EDIL3: variants seen among roughly 807,000 people sequenced by gnomAD.
The protein encoded by EDIL3 is EGF like and discoidin domains 3.
EDIL3 carries 37 observed loss-of-function variants against 67.4 expected under a neutral mutation model. The ratio of observed to expected loss-of-function variants is 0.55; its 90% confidence interval spans 0.42 to 0.72. The LOEUF is 0.72. Ranked by LOEUF, EDIL3 falls within the 30% of genes least tolerant of loss-of-function variation. The pLI is 0.00. For missense variants in EDIL3, 527 were observed against 586.3 expected (o/e 0.90, Z 1.04); for synonymous variants, 195 against 196.3 (o/e 0.99, Z 0.05).
chr5:84,111,910 A>C (rs953245334), intron 5 of EDIL3, among the ~76,000 whole-genome samples: 1 of 152,118 alleles, frequency 6.6e-6, no homozygotes, highest in Admixed American at 6.5e-5. Flanking sequence ...AGAGGGAATA[A>C]TAACCTAGCT....
intron 6 of EDIL3, among the ~76,000 whole-genome samples, chr5:84,082,376 T>C (rs1157096307): frequency 6.6e-6 from 1 of 152,178 alleles, no homozygotes; most frequent in Non-Finnish European, 1.5e-5. Flanking sequence ...GCACTGATGA[T>C]AAAAGAAGTC....
At chr5:84,295,105 T>A (rs1447901800) in intron 1 of EDIL3, among the ~76,000 whole-genome samples, 1 of 152,138 alleles carries the variant, frequency 6.6e-6, no homozygotes, top group African/African-American at 2.4e-5. Context: ...GCAGAAAACT[T>A]AACAGTTATA....
intron 4 of EDIL3, among the ~76,000 whole-genome samples, chr5:84,179,725 CCTGACAGCTTAGAGTTGG>C (rs1374708819): frequency 6.6e-6 from 1 of 152,156 alleles, no homozygotes; most frequent in African/African-American, 2.4e-5. Context: ...TGAGAATCTC[CCTGACAGCTTAGAGTTGG>C]CTGTGGCCCC....
At chr5:83,980,429 A>C in intron 9 of EDIL3, among the ~76,000 whole-genome samples, 1 of 151,814 alleles carries the variant, frequency 6.6e-6, no homozygotes, top group Non-Finnish European at 1.5e-5. Context: ...TATATAGAAA[A>C]TCCCTGTAAT....
At position 84,110,533 on chromosome 5, in the gene EDIL3, A is replaced by G. The variant is rs925770646; in HGVS notation, c.470-3703T>C. Among the ~76,000 whole-genome samples the G allele has an allele frequency of 4.6e-5, 7 of 152,234 alleles. No individual in the cohort carries two copies. In the South Asian group the frequency reaches 6.2e-4, roughly 13 times the overall value. ...TAGAAGATATATGAAATGATAATTG[A>G]TGAAGTAATCAATGTCAGATGAGAA... On this transcript the variant is annotated intron_variant, in intron 5 of 10. Coordinates refer to ENST00000296591, the MANE Select transcript of EDIL3 (RefSeq NM_005711.5).
chr5:84,011,908 T>C (rs1437163630), intron 9 of EDIL3, among the ~76,000 whole-genome samples: 3 of 152,168 alleles, frequency 2.0e-5, no homozygotes, highest in Admixed American at 6.6e-5. Flanking sequence ...GCATTTACTT[T>C]ATGGCACTTT....
chr5:84,047,960 C>A (rs1746252343), intron 9 of EDIL3: 1 of 152,116 alleles, frequency 6.6e-6, no homozygotes. Context: ...AAAAAGATTT[C>A]TTATTCATGG....
At chr5:84,358,445 G>C (rs1747531435) in intron 1 of EDIL3, among the ~76,000 whole-genome samples, 2 of 152,066 alleles carry the variant, frequency 1.3e-5, no homozygotes, top group Admixed American at 1.3e-4. Context: ...CTAAATGGTG[G>C]TGGATTTTGG....
intron 1 of EDIL3, among the ~76,000 whole-genome samples, chr5:84,358,592 CTTT>C (rs756013675): frequency 7.2e-3 from 678 of 94,370 alleles, no homozygotes; most frequent in African/African-American, 0.026. Context: ...CATTTTTATC[CTTT>C]TTTTTTTTTT....
At chr5:84,166,369 CTTG>C (rs1264050537) in intron 4 of EDIL3, among the ~76,000 whole-genome samples, 1 of 151,994 alleles carries the variant, frequency 6.6e-6, no homozygotes, top group African/African-American at 2.4e-5. Flanking sequence ...GTTGTTCTCC[CTTG>C]TTTTGTTTGT....
chr5:83,965,905 A>G (rs1744683183), intron 9 of EDIL3, among the ~76,000 whole-genome samples: 1 of 152,048 alleles, frequency 6.6e-6, no homozygotes, highest in Non-Finnish European at 1.5e-5. Context: ...GGCCTAAGCA[A>G]ACCTTCTTTC....
intron 1 of EDIL3, among the ~76,000 whole-genome samples, chr5:84,257,446 A>G (rs1580402033): frequency 6.6e-6 from 1 of 152,234 alleles, no homozygotes; most frequent in Non-Finnish European, 1.5e-5. Context: ...TTTTCATCTT[A>G]TTTCCATCAT....
chr5:84,198,687 G>T (rs1040846479), intron 3 of EDIL3, among the ~76,000 whole-genome samples: 2 of 152,000 alleles, frequency 1.3e-5, no homozygotes, highest in Non-Finnish European at 2.9e-5. Flanking sequence ...GTTAAGAAAA[G>T]GAAGATTCCT....
At chr5:84,170,799 A>T (rs774823669) in intron 4 of EDIL3, among the ~76,000 whole-genome samples, 70 of 151,996 alleles carry the variant, frequency 4.6e-4, no homozygotes, top group Admixed American at 2.7e-3. Context: ...TTAATTAATT[A>T]ATTTATTTAT....
At chr5:84,087,895 A>T (rs1456080032) in intron 6 of EDIL3, among the ~76,000 whole-genome samples, 1 of 152,214 alleles carries the variant, frequency 6.6e-6, no homozygotes, top group Non-Finnish European at 1.5e-5. Flanking sequence ...GAATAAATTC[A>T]TTAATTTAAA....
intron 3 of EDIL3, among the ~76,000 whole-genome samples, chr5:84,226,325 C>T (rs1580386278): frequency 6.6e-6 from 1 of 151,422 alleles, no homozygotes; most frequent in South Asian, 2.1e-4. Context: ...AATATTAATG[C>T]TGTAATAAAC....
At chr5:84,002,112 A>G (rs2112170499) in intron 9 of EDIL3, among the ~76,000 whole-genome samples, 1 of 152,310 alleles carries the variant, frequency 6.6e-6, no homozygotes, top group East Asian at 1.9e-4. Flanking sequence ...CCAAGAATGC[A>G]AGGATGGTTT....
chr5:84,150,132 A>C (rs1256683167), intron 4 of EDIL3, among the ~76,000 whole-genome samples: 1 of 152,200 alleles, frequency 6.6e-6, no homozygotes. Context: ...AAAAAGGCAC[A>C]TCGTTATTAC....
At chr5:84,318,872 C>A (rs1746567300) in intron 1 of EDIL3, among the ~76,000 whole-genome samples, 1 of 152,120 alleles carries the variant, frequency 6.6e-6, no homozygotes, top group Non-Finnish European at 1.5e-5. Context: ...GAACAGACAA[C>A]CTACAGATTG....
Sources: allele counts gnomAD v4.1 joint callset (sites outside exome capture counted in the v4.1 genomes callset), GRCh38; gene constraint gnomAD v4.1.1; transcripts MANE v1.5; gene names NCBI Gene and HGNC (gene_info 2026-07-23, HGNC 2026-07-21).